PCDHA7: variants seen among roughly 807,000 people sequenced by gnomAD.
The protein encoded by PCDHA7 is protocadherin alpha 7.
Under a neutral mutation model 57.2 loss-of-function variants are expected in PCDHA7, and 37 were observed. That is an observed-to-expected ratio of 0.65 (90% CI 0.50 to 0.85). PCDHA7 has a LOEUF of 0.85. Ranked by LOEUF, PCDHA7 falls within the 40% of genes least tolerant of loss-of-function variation. The probability of loss-of-function intolerance (pLI) is 0.00; values close to 1 mark genes in which losing one functional copy is unlikely to be tolerated. For synonymous variants in PCDHA7, 553 were observed against 558.8 expected (o/e 0.99, Z 0.15); for missense variants, 1,188 against 1,241.8 (o/e 0.96, Z 0.65).
intron 1 of PCDHA7, among the ~76,000 whole-genome samples, chr5:140,846,496 T>C (rs1780511719): frequency 6.9e-6 from 1 of 143,918 alleles, no homozygotes; most frequent in Non-Finnish European, 1.5e-5. Flanking sequence ...TTCCTCAGCC[T>C]CCCAAGTAGC....
intron 1 of PCDHA7, chr5:140,876,444 T>A (rs1554168564): frequency 6.2e-7 from 1 of 1,613,996 alleles, no homozygotes; most frequent in Non-Finnish European, 8.5e-7. Context: ...ACGCCATTGA[T>A]AAAGGGATTC....
chr5:141,009,601 A>T (rs1223112014), intron 3 of PCDHA7, 26 bp from the exon 4 acceptor site: 6 of 1,607,482 alleles, frequency 3.7e-6, no homozygotes, highest in Non-Finnish European at 5.1e-6. Flanking sequence ...GACCCTGTTA[A>T]TGATTTGTAA....
chr5:140,910,058 T>A (rs571957156), intron 1 of PCDHA7, among the ~76,000 whole-genome samples: 5 of 152,344 alleles, frequency 3.3e-5, no homozygotes, highest in African/African-American at 9.6e-5. Flanking sequence ...TAAGTGATCT[T>A]TTAACAGCGT....
At chr5:140,837,739 G>A (rs1207886086) in intron 1 of PCDHA7, among the ~76,000 whole-genome samples, 2 of 151,316 alleles carry the variant, frequency 1.3e-5, no homozygotes, top group Non-Finnish European at 2.9e-5. Flanking sequence ...TGCAGTGGTG[G>A]GATTATAGCC....
intron 1 of PCDHA7, chr5:140,968,416 G>A: frequency 1.2e-6 from 2 of 1,613,992 alleles, no homozygotes; most frequent in Non-Finnish European, 1.7e-6. Context: ...TGACTGTGGA[G>A]GCTCAGGACA....
intron 1 of PCDHA7, chr5:140,966,646 G>A: frequency 1.8e-6 from 2 of 1,139,684 alleles, no homozygotes; most frequent in Non-Finnish European, 2.3e-6. Flanking sequence ...TTTCTAGAGC[G>A]TGAGCGGTGG....
At chr5:140,876,169 C>G in intron 1 of PCDHA7, 1 of 1,613,916 alleles carries the variant, frequency 6.2e-7, no homozygotes, top group African/African-American at 1.3e-5. Context: ...AATAACCGTC[C>G]TGGATGTGAA....
At chr5:140,934,901 T>C (rs1270837168) in intron 1 of PCDHA7, among the ~76,000 whole-genome samples, 1 of 152,192 alleles carries the variant, frequency 6.6e-6, no homozygotes, top group African/African-American at 2.4e-5. Flanking sequence ...CCTTTTATTT[T>C]GGAATAATTA....
intron 1 of PCDHA7, among the ~76,000 whole-genome samples, chr5:140,952,416 G>A (rs114343205): frequency 2.1e-3 from 324 of 151,824 alleles, no homozygotes; most frequent in African/African-American, 7.0e-3. Flanking sequence ...TTAATGTTCC[G>A]CAGATTCCTA....
Position 141,009,910 on chromosome 5 carries a change from C to G in PCDHA7, c.2787C>G (p.Asn929Lys), listed in dbSNP as rs1554262551. ...CCCAGGAGAAAAAAGAGAAAGGGAA[C>G]AGCACGACTGACAACAGTGACCAGT... The part of the protein sequence containing the change: ...NKTQEKKEKG[N>K]STTDNSDQ Residue 929 changes from asparagine to lysine, a missense_variant, in exon 4 of 4, where the codon AAC (asparagine) becomes AAG (lysine). Physicochemically the swap from Asn to Lys is moderately conservative, Grantham distance 94 (BLOSUM62 0). This residue lies in a region of PCDHA7 where 892 missense variants were observed against 788.5 expected (regional missense o/e 1.13). Transcript: ENST00000525929. 28 of 1,612,616 alleles carry G rather than the reference C, an allele frequency of 1.7e-5. No homozygotes were observed. Among genetic ancestry groups the G allele is most frequent in the African/African-American group, 5.4e-5 (4 of 74,736 alleles).
chr5:140,962,889 A>G (rs1554226313), intron 1 of PCDHA7, among the ~76,000 whole-genome samples: 2 of 152,220 alleles, frequency 1.3e-5, no homozygotes, highest in Admixed American at 6.5e-5. Flanking sequence ...GAATTAAAAA[A>G]TGAAAACTAG....
At chr5:140,986,673 A>G (rs782404000) in intron 3 of PCDHA7, among the ~76,000 whole-genome samples, 2 of 152,168 alleles carry the variant, frequency 1.3e-5, no homozygotes. Context: ...TTTTCAGAAG[A>G]GTTCAGAAAG....
chr5:140,982,741 T>C (rs2097000256), intron 3 of PCDHA7, among the ~76,000 whole-genome samples, 178 bp downstream of exon 3: 1 of 152,164 alleles, frequency 6.6e-6, no homozygotes, highest in Admixed American at 6.6e-5. Flanking sequence ...TACCTAATGC[T>C]CTTCAGGAGT....
chr5:140,874,556 C>CAAAA (rs2054997993), intron 1 of PCDHA7, among the ~76,000 whole-genome samples: 1 of 152,178 alleles, frequency 6.6e-6, no homozygotes, highest in African/African-American at 2.4e-5. Flanking sequence ...AGAGATCTTT[C>CAAAA]GCATTTTAGT....
At position 140,835,306 on chromosome 5, in the gene PCDHA7, T is replaced by G; in HGVS notation, c.923T>G (p.Met308Arg). 1.9e-6 allele frequency: 3 copies of G among 1,612,964 alleles called. No individual in the cohort carries two copies. In the Middle Eastern group the frequency reaches 5.0e-4, roughly 267 times the overall value. ...GGGGCAATCACAGTGATAGGACATA[T>G]GGATTTTGAAGAAAGTAGAGCACAC... ...LSGAITVIGH[M>R]DFEESRAHKI... The change falls in exon 1 of 4, where the codon ATG becomes AGG. Residue 308 changes from methionine (M) to arginine (R), a missense_variant. Met to Arg is a moderately conservative substitution (Grantham distance 91, BLOSUM62 -1). Transcript: ENST00000525929.
chr5:140,870,118 A>C, intron 1 of PCDHA7: 1 of 1,613,892 alleles, frequency 6.2e-7, no homozygotes, highest in Non-Finnish European at 8.5e-7. Context: ...CTGGGTGGAA[A>C]TCTTGGACAC....
intron 1 of PCDHA7, among the ~76,000 whole-genome samples, chr5:140,899,105 T>G (rs2153462801): frequency 6.6e-6 from 1 of 152,160 alleles, no homozygotes; most frequent in Non-Finnish European, 1.5e-5. Flanking sequence ...GATAATGGGG[T>G]TTTCTAGATA....
At chr5:140,997,604 G>A (rs1271144424) in intron 3 of PCDHA7, among the ~76,000 whole-genome samples, 2 of 152,136 alleles carry the variant, frequency 1.3e-5, no homozygotes, top group East Asian at 1.9e-4. Flanking sequence ...ATTATGGGGC[G>A]CATGACTATA....
intron 3 of PCDHA7, among the ~76,000 whole-genome samples, chr5:140,984,358 A>G (rs1443365008): frequency 1.3e-5 from 2 of 152,234 alleles, no homozygotes; most frequent in Admixed American, 1.3e-4. Flanking sequence ...TATTTCATAC[A>G]TCTGGCCAAG....
Sources: allele counts gnomAD v4.1 joint callset (sites outside exome capture counted in the v4.1 genomes callset), GRCh38; gene constraint gnomAD v4.1.1; regional missense constraint gnomAD v4.1.1; transcripts MANE v1.5; gene names NCBI Gene and HGNC (gene_info 2026-07-23, HGNC 2026-07-21).